Variants in XXYLT1 observed in about 807,000 individuals in gnomAD.
XXYLT1 encodes xyloside xylosyltransferase 1.
A neutral mutation model predicts 28.9 loss-of-function variants in XXYLT1; 20 were observed. That is an observed-to-expected ratio of 0.69 (90% confidence interval 0.49 to 1.00). XXYLT1 has a LOEUF of 1.00. Ranked by LOEUF, XXYLT1 falls within the 50% of genes least tolerant of loss-of-function variation. The probability of loss-of-function intolerance (pLI) is 0.00; values close to 1 mark genes in which losing one functional copy is unlikely to be tolerated. For synonymous variants in XXYLT1, 257 were observed against 253.8 expected (o/e 1.01, Z -0.12); for missense variants, 542 against 560.1 (o/e 0.97, Z 0.33).
intron 2 of XXYLT1, chr3:195,183,426 C>T (rs1722040980): frequency 6.6e-6 from 1 of 152,170 alleles, no homozygotes; most frequent in Non-Finnish European, 1.5e-5. Flanking sequence ...TTGTAAGTTT[C>T]CTAAACAATG....
At chr3:195,270,044 G>A (rs1725965331) in intron 1 of XXYLT1, 2 of 209,490 alleles carry the variant, frequency 9.5e-6, no homozygotes, top group Admixed American at 5.7e-5. Context: ...ACAGAGAGGA[G>A]ATAAGATGGT....
intron 1 of XXYLT1, among the ~76,000 whole-genome samples, chr3:195,237,356 C>A (rs879268243): frequency 1.3e-5 from 2 of 152,122 alleles, no homozygotes; most frequent in African/African-American, 2.4e-5. Flanking sequence ...AGTTCCAATG[C>A]AAAGTCCCAC....
intron 2 of XXYLT1, among the ~76,000 whole-genome samples, chr3:195,169,855 A>T (rs927490603): frequency 3.6e-5 from 5 of 137,350 alleles, no homozygotes; most frequent in Admixed American, 7.2e-5. Flanking sequence ...GTGTGTACAT[A>T]TATATATATA....
intron 1 of XXYLT1, among the ~76,000 whole-genome samples, chr3:195,248,184 G>C (rs531171082): frequency 1.9e-4 from 29 of 152,252 alleles, no homozygotes; most frequent in African/African-American, 6.7e-4. Flanking sequence ...ATACTTACAG[G>C]CTTATACTGT....
chr3:195,109,074 C>T (rs899038834), intron 3 of XXYLT1, among the ~76,000 whole-genome samples: 3 of 152,156 alleles, frequency 2.0e-5, no homozygotes, highest in African/African-American at 7.2e-5. Flanking sequence ...AAAGTGAACT[C>T]GAAAGGGGCA....
intron 3 of XXYLT1, among the ~76,000 whole-genome samples, chr3:195,123,796 A>G (rs1250171113): frequency 6.6e-6 from 1 of 152,196 alleles, no homozygotes; most frequent in African/African-American, 2.4e-5. Context: ...CAGATGCTAC[A>G]GGGTCTGGGC....
chr3:195,099,767 CTTGCA>C (rs949228434), intron 3 of XXYLT1, among the ~76,000 whole-genome samples: 6 of 145,362 alleles, frequency 4.1e-5, no homozygotes, highest in African/African-American at 7.6e-5. Flanking sequence ...GGAGGCGGAG[CTTGCA>C]GTGAGCTGAG....
rs1714646191 is a variant in XXYLT1 at position 195,068,895 on chromosome 3, A to G, written c.*820T>C. On this transcript the variant is annotated 3_prime_UTR_variant, in exon 4 of 4. Transcript: ENST00000310380. ...CTGTGCCCGGCCTGGGCTTTTTGGA[A>G]TGAGTCTTCCTGGTCCCGACAGTTC... 1 of 151,726 alleles carries G rather than the reference A, an allele frequency of 6.6e-6. No individual in the cohort carries two copies. Among genetic ancestry groups the G allele is most frequent in the Non-Finnish European group, 1.5e-5 (1 of 67,988 alleles). The allele number at this position is 151,726 out of a possible 1,614,324, so 9.4% of individuals were successfully genotyped here.
chr3:195,153,479 TAA>T (rs538529981), intron 3 of XXYLT1, among the ~76,000 whole-genome samples: 1 of 152,150 alleles, frequency 6.6e-6, no homozygotes, highest in Non-Finnish European at 1.5e-5. Context: ...AAAAGGAGTA[TAA>T]GTCTCTGTTG....
intron 1 of XXYLT1, among the ~76,000 whole-genome samples, chr3:195,263,258 T>C (rs1725746041): frequency 6.6e-6 from 1 of 152,208 alleles, no homozygotes; most frequent in Non-Finnish European, 1.5e-5. Flanking sequence ...TTCCTAGTCC[T>C]TGGCACATGC....
intron 1 of XXYLT1, among the ~76,000 whole-genome samples, chr3:195,267,123 A>C (rs1725870885): frequency 6.6e-6 from 1 of 152,258 alleles, no homozygotes; most frequent in Non-Finnish European, 1.5e-5. Context: ...CAACCATTTC[A>C]GCTACAAGGT....
intron 3 of XXYLT1, among the ~76,000 whole-genome samples, chr3:195,137,301 C>T (rs377139311): frequency 6.6e-6 from 1 of 152,252 alleles, no homozygotes; most frequent in South Asian, 2.1e-4. Flanking sequence ...AATCCTTGAC[C>T]CCATATTGTT....
chr3:195,075,155 G>C (rs1160331646), intron 3 of XXYLT1, among the ~76,000 whole-genome samples: 1 of 152,246 alleles, frequency 6.6e-6, no homozygotes, highest in African/African-American at 2.4e-5. Flanking sequence ...AGGAGGCTGA[G>C]GCAGGAGAAT....
At chr3:195,258,542 G>A (rs1408229177) in intron 1 of XXYLT1, among the ~76,000 whole-genome samples, 1 of 151,258 alleles carries the variant, frequency 6.6e-6, no homozygotes, top group Non-Finnish European at 1.5e-5. Context: ...TCATAGAGGC[G>A]ACTCTGTCAT....
chr3:195,188,588 T>G (rs1164190549), intron 2 of XXYLT1, among the ~76,000 whole-genome samples: 1 of 152,202 alleles, frequency 6.6e-6, no homozygotes, highest in Non-Finnish European at 1.5e-5. Context: ...GCCATTTCAA[T>G]CAAAGTCGCT....
chr3:195,170,460 G>A (rs761053316), intron 2 of XXYLT1, among the ~76,000 whole-genome samples: 7 of 152,102 alleles, frequency 4.6e-5, no homozygotes, highest in Non-Finnish European at 7.4e-5. Flanking sequence ...AGCCAAGTCC[G>A]CTCCAAGCTT....
At chr3:195,199,305 C>A (rs1722754138) in intron 2 of XXYLT1, among the ~76,000 whole-genome samples, 2 of 152,122 alleles carry the variant, frequency 1.3e-5, no homozygotes, top group Middle Eastern at 3.2e-3. Flanking sequence ...GTTGCGTATG[C>A]CTACATATAA....
intron 2 of XXYLT1, among the ~76,000 whole-genome samples, chr3:195,219,426 T>A (rs569054533): frequency 2.2e-4 from 34 of 152,214 alleles, no homozygotes; most frequent in Admixed American, 7.2e-4. Flanking sequence ...AGATGGTATT[T>A]TAAAGGCTTT....
At chr3:195,155,669 C>T (rs34207090) in intron 3 of XXYLT1, among the ~76,000 whole-genome samples, 1 of 151,282 alleles carries the variant, frequency 6.6e-6, no homozygotes, top group Non-Finnish European at 1.5e-5. Context: ...CCCCCACCGC[C>T]TGCCACGCCG....
Sources: gnomAD v4.1 joint callset for allele counts (sites outside exome capture counted in the v4.1 genomes callset) on GRCh38, gnomAD v4.1.1 for gene constraint, MANE v1.5 for transcripts, NCBI Gene and HGNC (gene_info 2026-07-23, HGNC 2026-07-21) for gene names.